The following HNF1B variants were observed in gnomAD, a reference collection of about 807,000 sequenced individuals.
The protein encoded by HNF1B is hepatocyte nuclear factor 1-beta.
HNF1B carries 8 observed loss-of-function variants against 61.7 expected under a neutral mutation model. The observed-to-expected ratio is 0.13, with a 90% CI of 0.08 to 0.23. The LOEUF (loss-of-function observed/expected upper bound fraction) is 0.23, where lower values mean the gene tolerates loss of function less well. HNF1B is among the 10% of genes least tolerant of loss of function. The pLI, the probability that HNF1B is intolerant of heterozygous loss-of-function variation, is 1.00. For missense variants in HNF1B, 562 were observed against 714.5 expected (o/e 0.79, Z 2.43); for synonymous variants, 314 against 287.7 (o/e 1.09, Z -0.93).
At chr17:37,700,697 C>T (rs568694471) in intron 7 of HNF1B, among the ~76,000 whole-genome samples, 2 of 152,260 alleles carry the variant, frequency 1.3e-5, no homozygotes, top group South Asian at 4.2e-4. Flanking sequence ...GGGAAATTGG[C>T]GGTGTGTGTT....
intron 4 of HNF1B, among the ~76,000 whole-genome samples, chr17:37,722,890 T>C (rs952110861): frequency 6.6e-5 from 10 of 152,070 alleles, no homozygotes; most frequent in Non-Finnish European, 1.5e-4. Flanking sequence ...ACCTTCTCCT[T>C]CTTAAATGCT....
chr17:37,742,114 G>T (rs931880395), intron 1 of HNF1B, among the ~76,000 whole-genome samples: 13 of 152,240 alleles, frequency 8.5e-5, no homozygotes, highest in South Asian at 2.1e-4. Flanking sequence ...AACGCCGGCC[G>T]CGGCGCCCGC....
Position 37,720,915 on chromosome 17 carries a change from C to G in HNF1B, c.1046-10252G>C, listed in dbSNP as rs571846150. 4 of 985,354 alleles carry G rather than the reference C, an allele frequency of 4.1e-6. No individual in the cohort carries two copies. In the East Asian group the frequency reaches 3.4e-4, roughly 84 times the overall value. 61.0% of individuals were successfully genotyped at this position (985,354 alleles called of 1,614,324 possible). On this transcript the variant is annotated intron_variant, in intron 4 of 8. Coordinates refer to ENST00000617811, the MANE Select transcript of HNF1B (RefSeq NM_000458.4). ...GTTGTAGACAATGAAGAAGAACGGC[C>G]GCTCATTTCTGTCTCCATCCATAAA...
intron 4 of HNF1B, chr17:37,729,842 A>G (rs2033628503): frequency 6.6e-6 from 1 of 152,220 alleles, no homozygotes; most frequent in Non-Finnish European, 1.5e-5. Context: ...AATTCCCTCC[A>G]AATTCTAACA....
At chr17:37,697,792 C>T (rs2032434876) in intron 8 of HNF1B, among the ~76,000 whole-genome samples, 2 of 152,214 alleles carry the variant, frequency 1.3e-5, no homozygotes, top group South Asian at 2.1e-4. Flanking sequence ...CAAAGCAGGT[C>T]CCACACACCT....
Position 37,701,144 on chromosome 17 carries a change from A to C in HNF1B, c.1373T>G (p.Val458Gly), listed in dbSNP as rs375644184. Residue 458 changes from valine (V) to glycine (G), a missense_variant, in exon 7 of 9, where the codon GTC becomes GGC. By Grantham distance (109) the Val-to-Gly change is moderately radical. Transcript: ENST00000617811. ...CAGGCTGCCGGCCACACTGTTGATG[A>C]CAGGGACACTCTGTGCTTGGGAGGT... ...LNTSQAQSVP[V>G]INSVAGSLAA... is the part of the protein sequence containing the mutation. 33 of 1,551,654 alleles carry C rather than the reference A, an allele frequency of 2.1e-5. 1 individual carries two copies. The highest frequency in any genetic ancestry group is 8.7e-7 in the Non-Finnish European group (1 of 1,147,454).
At chr17:37,709,881 C>T (rs2032875048) in intron 5 of HNF1B, among the ~76,000 whole-genome samples, 1 of 152,158 alleles carries the variant, frequency 6.6e-6, no homozygotes, top group Admixed American at 6.5e-5. Flanking sequence ...AGAGCTGGAG[C>T]TGGGATTTGA....
Position 37,731,635 on chromosome 17 carries a change from G to A in HNF1B, c.1005C>T (p.Pro335=), listed in dbSNP as rs778320577. The part of the protein sequence containing the change: ...SLNPLLSHGS[P]HHQPSSSPPN... The stretch of plus-strand genomic sequence containing the variant: ...GAGGAGAGGAGCTGGGCTGGTGGTG[G>A]GGGGAGCCGTGGGAGAGCAGAGGGT... The change falls in exon 4 of 9, where the codon CCC becomes CCT. Residue 335 remains proline (P), a synonymous_variant. Transcript: ENST00000617811. 5 of 1,613,894 alleles carry A rather than the reference G, an allele frequency of 3.1e-6. No individual in the cohort carries two copies. The highest frequency in any genetic ancestry group is 4.2e-6 in the Non-Finnish European group (5 of 1,179,950).
intron 5 of HNF1B, among the ~76,000 whole-genome samples, chr17:37,706,131 G>GT (rs2032741262): frequency 6.6e-6 from 1 of 151,982 alleles, no homozygotes; most frequent in South Asian, 2.1e-4. Context: ...GCTGATTTTT[G>GT]TATTTTTAGT....
intron 4 of HNF1B, among the ~76,000 whole-genome samples, chr17:37,725,578 AATG>A (rs1305352674): frequency 1.3e-5 from 2 of 152,182 alleles, no homozygotes; most frequent in Non-Finnish European, 2.9e-5. Flanking sequence ...TAAGAAGGAG[AATG>A]CTGGAGCCAC....
chr17:37,705,240 C>T (rs936741772), intron 5 of HNF1B, among the ~76,000 whole-genome samples, 191 bp from the exon 6 acceptor site: 3 of 152,190 alleles, frequency 2.0e-5, no homozygotes, highest in Non-Finnish European at 4.4e-5. Flanking sequence ...GAAGCCAAGA[C>T]AGGAGGACTG....
intron 1 of HNF1B, among the ~76,000 whole-genome samples, chr17:37,743,271 GCCACTCT>G (rs1287502252): frequency 6.6e-6 from 1 of 152,178 alleles, no homozygotes; most frequent in Non-Finnish European, 1.5e-5. Context: ...GCTCCTAGGG[GCCACTCT>G]CTCGACCCCT....
chr17:37,722,734 A>G (rs1001578756), intron 4 of HNF1B, among the ~76,000 whole-genome samples: 8 of 152,138 alleles, frequency 5.3e-5, no homozygotes, highest in Non-Finnish European at 8.8e-5. Flanking sequence ...CAAGTGTGCT[A>G]TTGCGGAGGC....
intron 4 of HNF1B, among the ~76,000 whole-genome samples, chr17:37,718,751 T>C (rs1188442516): frequency 6.6e-6 from 1 of 152,240 alleles, no homozygotes; most frequent in East Asian, 1.9e-4. Flanking sequence ...TTGTCTGTAT[T>C]CTCCATTTTC....
chr17:37,732,644 T>G (rs1026486971), intron 3 of HNF1B, among the ~76,000 whole-genome samples: 7 of 151,390 alleles, frequency 4.6e-5, no homozygotes, highest in Admixed American at 3.3e-4. Flanking sequence ...AGGGCAGGAA[T>G]GAAGTAAAAA....
chr17:37,710,651 C>T lies in HNF1B; in HGVS notation c.1058G>A (p.Ser353Asn). The part of the protein sequence containing the change: ...PPNKLSGVRY[S>N]QQGNNEITSS... ...AGTGATCTCATTGTTTCCCTGCTGG[C>T]TGTAGCGCACTCCTGCAAAACAACA... Residue 353 changes from serine (S) to asparagine (N), a missense_variant, in exon 5 of 9, where the codon AGC becomes AAC. Ser to Asn is a conservative substitution (Grantham distance 46). Around this residue, in one of 6 missense-constraint regions of HNF1B, gnomAD observed 211 missense variants for 200.7 expected, o/e 1.05. Transcript: ENST00000617811. 3 of 1,613,890 alleles carry T rather than the reference C, an allele frequency of 1.9e-6. No homozygotes were observed. The highest frequency in any genetic ancestry group is 2.5e-6 in the Non-Finnish European group (3 of 1,179,898).
In HNF1B at chr17:37,699,162, A is replaced by C. The variant is rs1166069868; in HGVS notation, c.1567T>G (p.Ser523Ala). Residue 523 changes from serine to alanine, a missense_variant, in exon 8 of 9, where the codon TCC becomes GCC. Ser to Ala is a moderately conservative substitution (Grantham distance 99, BLOSUM62 1). This residue lies in a region of HNF1B where 64 missense variants were observed against 96.9 expected (regional missense o/e 0.66). Transcript: ENST00000617811. Reference protein sequence around the residue: ...YAHKQEPPQYSHTSRFPSAMV... With the variant: ...YAHKQEPPQYAHTSRFPSAMV... Reference sequence around the variant, plus strand: ...GCAGATGGAAACCGGGAGGTGTGGGAATACTGGGGGGGTTCCTGCTTGTGT... The same window carrying C: ...GCAGATGGAAACCGGGAGGTGTGGGCATACTGGGGGGGTTCCTGCTTGTGT... 4.3e-6 allele frequency: 7 copies of C among 1,613,962 alleles called. No individual in the cohort carries two copies. Among genetic ancestry groups the C allele is most frequent in the Non-Finnish European group, 5.9e-6 (7 of 1,180,000 alleles).
chr17:37,731,355 G>T, intron 4 of HNF1B: 1 of 644,620 alleles, frequency 1.6e-6, no homozygotes, highest in Non-Finnish European at 2.8e-6. Context: ...AGACAAATAG[G>T]GTAAAGGGCT....
At chr17:37,721,494 C>A (rs1259947034) in intron 4 of HNF1B, among the ~76,000 whole-genome samples, 1 of 152,170 alleles carries the variant, frequency 6.6e-6, no homozygotes, top group Non-Finnish European at 1.5e-5. Flanking sequence ...ATCCCACACC[C>A]TCATTTGCCA....
Sources: gnomAD v4.1 joint callset for allele counts (sites outside exome capture counted in the v4.1 genomes callset) on GRCh38, gnomAD v4.1.1 for gene constraint, gnomAD v4.1.1 regional missense constraint, MANE v1.5 for transcripts, NCBI Gene and HGNC (gene_info 2026-07-23, HGNC 2026-07-21) for gene names.